Variants in ESRRA observed in about 807,000 individuals in gnomAD.
ESRRA encodes steroid hormone receptor ERR1.
Under a neutral mutation model 35.6 loss-of-function variants are expected in ESRRA, and 7 were observed. The observed-to-expected ratio is 0.20, with a 90% CI of 0.11 to 0.37. ESRRA has a LOEUF of 0.37. Among genes scored for constraint, ESRRA ranks in the 10% least tolerant of loss-of-function variants. The probability of loss-of-function intolerance (pLI) is 1.00; values close to 1 mark genes in which losing one functional copy is unlikely to be tolerated. For missense variants in ESRRA, 378 were observed against 561.7 expected, an observed-to-expected ratio of 0.67 and a Z score of 3.31; for synonymous variants, 223 against 246.9, an observed-to-expected ratio of 0.90 and a Z score of 0.91.
chr11:64,308,943 C>T (rs1467800442), intron 2 of ESRRA, among the ~76,000 whole-genome samples: 2 of 151,324 alleles, frequency 1.3e-5, no homozygotes, highest in East Asian at 1.9e-4. Flanking sequence ...GATGAAACCC[C>T]GTCTCTACTG....
At chr11:64,307,982 C>T (rs1293639617) in intron 2 of ESRRA, among the ~76,000 whole-genome samples, 1 of 152,024 alleles carries the variant, frequency 6.6e-6, no homozygotes, top group Non-Finnish European at 1.5e-5. Flanking sequence ...AACCTTTGCC[C>T]CTGGGTTCAA....
chr11:64,316,208 C>A lies in ESRRA; in HGVS notation c.*242C>A. 2.1e-6 allele frequency: 1 copy of A among 480,206 alleles called. No individual in the cohort carries two copies. The highest frequency in any genetic ancestry group is 3.7e-6 in the Non-Finnish European group (1 of 271,042). 29.7% of individuals were successfully genotyped at this position (480,206 alleles called of 1,614,324 possible). A position where few individuals can be genotyped will look rare whatever the true frequency, so the allele number is the denominator to read the frequency against. The stretch of plus-strand genomic sequence containing the variant: ...CTGCCCCTTGCAAGCCATAACGTGC[C>A]CCCAGAGTGTAGGGGGCCTTGCGGA... On this transcript the variant is annotated 3_prime_UTR_variant, in exon 7 of 7. Transcript: ENST00000000442.
rs199661589 is a variant in ESRRA, at chr11:64,314,835, C to T, written c.666C>T (p.Leu222=). 6.2e-6 allele frequency: 10 copies of T among 1,612,490 alleles called. No individual in the cohort carries two copies. The highest frequency in any genetic ancestry group is 8.5e-6 in the Non-Finnish European group (10 of 1,180,034). Reference sequence around the variant, plus strand: ...ACCCCGCAGGCCCTGATGGGCACCTCCCAGCCGTGGCTACCCTCTGTGACC... The same window carrying T: ...ACCCCGCAGGCCCTGATGGGCACCTTCCAGCCGTGGCTACCCTCTGTGACC... The part of the protein sequence containing the change: ...MPDPAGPDGH[L]PAVATLCDLF... Residue 222 remains leucine, a synonymous_variant, in exon 5 of 7, where the codon CTC becomes CTT. Transcript: ENST00000000442.
intron 4 of ESRRA, 122 bp from the exon 5 acceptor site, chr11:64,314,619 G>C (rs2035204836): frequency 9.5e-7 from 1 of 1,048,712 alleles, no homozygotes; most frequent in Admixed American, 2.7e-5. Flanking sequence ...CTTCCCTGGA[G>C]GGAAGTCACT....
intron 2 of ESRRA, among the ~76,000 whole-genome samples, chr11:64,312,280 CA>C (rs1429980961): frequency 3.9e-5 from 6 of 152,104 alleles, no homozygotes; most frequent in Non-Finnish European, 8.8e-5. Context: ...GCTGGGACTA[CA>C]GGTGCCTGCC....
intron 2 of ESRRA, among the ~76,000 whole-genome samples, chr11:64,310,745 A>C (rs1591242017): frequency 6.6e-6 from 1 of 151,282 alleles, no homozygotes; most frequent in East Asian, 2.0e-4. Context: ...ATGGGGTTTC[A>C]CCATGTTGGC....
intron 2 of ESRRA, among the ~76,000 whole-genome samples, chr11:64,312,516 G>A (rs1445651810): frequency 6.6e-6 from 1 of 152,234 alleles, no homozygotes; most frequent in Non-Finnish European, 1.5e-5. Context: ...TGTGCTGCGG[G>A]CCTGCTGTCT....
intron 4 of ESRRA, 135 bp from the exon 5 acceptor site, chr11:64,314,606 G>T (rs1211299913): frequency 2.1e-6 from 2 of 968,400 alleles, no homozygotes; most frequent in East Asian, 2.6e-5. Context: ...GACAGTTAGC[G>T]CTCTTCCCTG....
chr11:64,309,402 AGTCTGGGCAACAGAAT>A (rs2035097343), intron 2 of ESRRA, among the ~76,000 whole-genome samples: 1 of 146,458 alleles, frequency 6.8e-6, no homozygotes, highest in African/African-American at 2.5e-5. Flanking sequence ...ACAGCACTCT[AGTCTGGGCAACAGAAT>A]GAGACACTCT....
Position 64,316,471 on chromosome 11 carries a change from C to T in ESRRA, c.*505C>T, listed in dbSNP as rs41294424. Reference sequence around the variant, plus strand: ...AGCAATAACTCCAAGCAGACTCCAGCCCCTGGACCCCTGGGGTGGCCAGGG... The same window carrying T: ...AGCAATAACTCCAAGCAGACTCCAGTCCCTGGACCCCTGGGGTGGCCAGGG... On this transcript the variant is annotated 3_prime_UTR_variant, in exon 7 of 7. Transcript: ENST00000000442. The T allele has an allele frequency of 4.7e-6, 1 of 214,182 alleles. No individual in the cohort carries two copies. The highest frequency in any genetic ancestry group is 2.3e-5 in the African/African-American group (1 of 42,778). The allele number at this position is 214,182 out of a possible 1,614,324, so 13.3% of individuals were successfully genotyped here.
rs529242287 is a variant in ESRRA at position 64,313,809 on chromosome 11, C to A, written c.326-142C>A. On this transcript the variant is annotated intron_variant, in intron 2 of 6. Coordinates refer to ENST00000000442, the MANE Select transcript of ESRRA (RefSeq NM_004451.5). This position sits in a 1 kb window ranked among gnomAD's most constrained non-coding sequence, Gnocchi z 4.0. ...CGCCCAGCAGCCACTCCCCTCCCTG[C>A]CTGCTCATGGCCCCCTGCTCTCCCT... is the stretch of plus-strand genomic sequence containing the variant. 71 of 590,862 alleles carry A rather than the reference C, an allele frequency of 1.2e-4. No homozygotes were observed. The African/African-American group carries it at 1.2e-3, about 10-fold the overall frequency. 36.6% of individuals were successfully genotyped at this position (590,862 alleles called of 1,614,324 possible). A position where few individuals can be genotyped will look rare whatever the true frequency, so the allele number is the denominator to read the frequency against.
At position 64,313,651 on chromosome 11, in the gene ESRRA, T is replaced by G; in HGVS notation, c.326-300T>G. ...TGAGGACTAAGAATTGACCACTGGA[T>G]TTAGCAATGCAGAGGTCCTTGTGGC... On this transcript the variant is annotated intron_variant, in intron 2 of 6. Transcript: ENST00000000442. This position sits in a 1 kb window ranked among gnomAD's most constrained non-coding sequence, Gnocchi z 4.0. 1 of 319,128 alleles carries G rather than the reference T, an allele frequency of 3.1e-6. No homozygotes were observed. Among genetic ancestry groups the G allele is most frequent in the Non-Finnish European group, 5.8e-6 (1 of 173,526 alleles). The allele number at this position is 319,128 out of a possible 1,614,324, so 19.8% of individuals were successfully genotyped here.
intron 6 of ESRRA, 85 bp from the exon 7 acceptor site, chr11:64,315,622 G>T (rs2035234315): frequency 6.5e-7 from 1 of 1,535,138 alleles, no homozygotes; most frequent in African/African-American, 1.4e-5. Flanking sequence ...CTCTTCCTTA[G>T]GCCCCATCCA....
At chr11:64,308,938 A>T (rs914245738) in intron 2 of ESRRA, among the ~76,000 whole-genome samples, 1 of 151,572 alleles carries the variant, frequency 6.6e-6, no homozygotes, top group African/African-American at 2.4e-5. Flanking sequence ...AATGTGATGA[A>T]ACCCCGTCTC....
intron 3 of ESRRA, 80 bp from the exon 4 acceptor site, chr11:64,314,159 C>G: frequency 1.3e-6 from 2 of 1,558,026 alleles, no homozygotes; most frequent in Non-Finnish European, 8.7e-7. Flanking sequence ...TGAGTGGACT[C>G]GGGGAGGACA....
rs373117504 is a variant in ESRRA, at chr11:64,314,345, C to A, written c.549C>A (p.Val183=). ...PGPFPAGPLA[V]AGGPRKTAAP... ...CCTTCCCTGCTGGGCCCCTGGCAGT[C>A]GCTGGAGGCCCCCGGAAGACAGGTG... The change falls in exon 4 of 7, where the codon GTC becomes GTA. Residue 183 remains valine, a synonymous_variant. Coordinates refer to ENST00000000442, the MANE Select transcript of ESRRA (RefSeq NM_004451.5). The A allele has an allele frequency of 2.5e-6, 4 of 1,591,490 alleles. No individual in the cohort carries two copies. Among genetic ancestry groups the A allele is most frequent in the Middle Eastern group, 3.3e-4 (2 of 5,992 alleles).
chr11:64,315,561 G>C, intron 6 of ESRRA, 146 bp from the exon 7 acceptor site: 2 of 1,195,946 alleles, frequency 1.7e-6, no homozygotes, highest in Non-Finnish European at 2.4e-6. Context: ...CCCACGAGCC[G>C]CAGCAATGAG....
In ESRRA at chr11:64,316,262, G is replaced by A; in HGVS notation, c.*296G>A. The A allele has an allele frequency of 3.0e-6, 1 of 329,216 alleles. No individual in the cohort carries two copies. The highest frequency in any genetic ancestry group is 6.6e-5 in the South Asian group (1 of 15,196). The allele number at this position is 329,216 out of a possible 1,614,324, so 20.4% of individuals were successfully genotyped here. A position where few individuals can be genotyped will look rare whatever the true frequency, so the allele number is the denominator to read the frequency against. On this transcript the variant is annotated 3_prime_UTR_variant, in exon 7 of 7. Transcript: ENST00000000442. ...CATAGGGGGCTGCACGGGATGCGTG[G>A]GAGGCAGAAACCTATCTCAGGGAGG...
intron 4 of ESRRA, 106 bp from the exon 5 acceptor site, chr11:64,314,635 G>C: frequency 1.7e-6 from 2 of 1,162,474 alleles, no homozygotes; most frequent in Admixed American, 4.9e-5. Context: ...TCACTGGACA[G>C]CTGCTACTGA....
Sources: gnomAD v4.1 joint callset for allele counts (sites outside exome capture counted in the v4.1 genomes callset) on GRCh38, gnomAD v4.1.1 for gene constraint, Gnocchi (gnomAD v3.1) non-coding constraint, MANE v1.5 for transcripts, NCBI Gene and HGNC (gene_info 2026-07-23, HGNC 2026-07-21) for gene names.